PPHLN1: variants seen among roughly 807,000 people sequenced by gnomAD.
PPHLN1 encodes the protein periphilin 1.
A neutral mutation model predicts 51.3 loss-of-function variants in PPHLN1; 29 were observed. The ratio of observed to expected loss-of-function variants is 0.57; its 90% CI spans 0.42 to 0.77. The LOEUF is 0.77. PPHLN1 is among the 30% of genes least tolerant of loss of function. The pLI, the probability that PPHLN1 is intolerant of heterozygous loss-of-function variation, is 0.00. For synonymous variants in PPHLN1, 147 were observed against 147.8 expected (o/e 0.99, Z 0.04); for missense variants, 436 against 438.4 (o/e 0.99, Z 0.05).
At chr12:42,335,844 T>A (rs763452433) in intron 1 of PPHLN1, 39 bp from the exon 2 acceptor site, 2 of 1,227,202 alleles carry the variant, frequency 1.6e-6, no homozygotes, top group Non-Finnish European at 2.3e-6. Context: ...TTCTGTTACT[T>A]CCTAGTATAA....
At chr12:42,409,825 T>G (rs983322007) in intron 9 of PPHLN1, among the ~76,000 whole-genome samples, 2 of 152,136 alleles carry the variant, frequency 1.3e-5, no homozygotes, top group African/African-American at 2.4e-5. Context: ...TGTGTCTGTT[T>G]TCATTAGTTT....
Position 42,396,615 on chromosome 12 carries a change from C to CAAAAAAAAAAAAAAAAA in PPHLN1, c.769-2222_769-2206dup, listed in dbSNP as rs60131845. 1.1e-4 allele frequency among the ~76,000 whole-genome samples: 9 copies of CAAAAAAAAAAAAAAAAA among 85,490 alleles called. 1 individual carries two copies. Among genetic ancestry groups the CAAAAAAAAAAAAAAAAA allele is most frequent in the East Asian group, 8.6e-4 (2 of 2,326 alleles). 56.1% of individuals were successfully genotyped at this position (85,490 alleles called of 152,430 possible). On this transcript the variant is annotated intron_variant, in intron 8 of 9. Transcript: ENST00000358314. The stretch of plus-strand genomic sequence containing the variant: ...GCAATGTAGTAAGGTCTTGTCACTA[C>CAAAAAAAAAAAAAAAAA]AAAAAAAAAAAAAAAAAAAAAAAAA...
downstream of PPHLN1, chr12:42,442,846 A>C: frequency 6.5e-7 from 1 of 1,532,328 alleles, no homozygotes; most frequent in Non-Finnish European, 8.8e-7. Context: ...CAGTATATAA[A>C]AGTATTGAAA....
At chr12:42,428,978 T>A (rs2081779655) in intron 9 of PPHLN1, among the ~76,000 whole-genome samples, 2 of 152,148 alleles carry the variant, frequency 1.3e-5, no homozygotes. Context: ...CTTGCTTTTA[T>A]TAAATAATTT....
chr12:42,387,642 C>T, intron 7 of PPHLN1, 107 bp downstream of exon 7: 2 of 1,381,426 alleles, frequency 1.4e-6, no homozygotes, highest in Non-Finnish European at 1.9e-6. Context: ...AGCTAATTTG[C>T]TGCATTTAAA....
At chr12:42,336,103 C>G (rs1172733901) in intron 2 of PPHLN1, 129 bp downstream of exon 2, 12 of 488,540 alleles carry the variant, frequency 2.5e-5, no homozygotes, top group Non-Finnish European at 4.2e-5. Flanking sequence ...CAAAAGAGAT[C>G]AAGCTTATCT....
At chr12:42,422,857 C>A (rs2139715004) in intron 9 of PPHLN1, among the ~76,000 whole-genome samples, 1 of 152,276 alleles carries the variant, frequency 6.6e-6, no homozygotes, top group South Asian at 2.1e-4. Flanking sequence ...TGGATTCCTA[C>A]CTCAAATCCT....
At chr12:42,440,675 C>T (rs1267920819) in intron 9 of PPHLN1, among the ~76,000 whole-genome samples, 1 of 152,212 alleles carries the variant, frequency 6.6e-6, no homozygotes, top group East Asian at 1.9e-4. Flanking sequence ...CCTTGCGTTT[C>T]CCAGTTTCTA....
chr12:42,351,874 G>C lies in PPHLN1; in HGVS notation c.73-11G>C. 1 of 1,534,404 alleles carries C rather than the reference G, an allele frequency of 6.5e-7. No homozygotes were observed. Among genetic ancestry groups the C allele is most frequent in the Non-Finnish European group, 8.7e-7 (1 of 1,152,012 alleles). ...TAGTCATTTGTATATATTTCTTTTT[G>C]TCTGTTTTAGGATGGCTACAATAGA... On this transcript the variant is annotated splice_polypyrimidine_tract_variant and intron_variant, in intron 2 of 9. Transcript: ENST00000358314.
chr12:42,419,007 CTG>C (rs2080735606), intron 9 of PPHLN1, among the ~76,000 whole-genome samples: 1 of 152,014 alleles, frequency 6.6e-6, no homozygotes, highest in Non-Finnish European at 1.5e-5. Context: ...AATAAGGAAA[CTG>C]TATCCCACAA....
chr12:42,359,625 A>G (rs1270141028), intron 4 of PPHLN1: 1 of 152,212 alleles, frequency 6.6e-6, no homozygotes, highest in African/African-American at 2.4e-5. Context: ...TTCCTACTTG[A>G]AAGACTTTGT....
chr12:42,366,786 T>C (rs577780223), intron 4 of PPHLN1, among the ~76,000 whole-genome samples: 1 of 152,274 alleles, frequency 6.6e-6, no homozygotes, highest in South Asian at 2.1e-4. Flanking sequence ...ATGAATAATA[T>C]GCAACACTTG....
intron 9 of PPHLN1, among the ~76,000 whole-genome samples, chr12:42,409,476 A>G (rs188360681): frequency 7.2e-5 from 11 of 152,282 alleles, no homozygotes; most frequent in Admixed American, 7.2e-4. Flanking sequence ...CTTGGGAAAC[A>G]GTCTTTAAAA....
At chr12:42,440,246 A>G (rs1300154821) in intron 9 of PPHLN1, among the ~76,000 whole-genome samples, 2 of 151,844 alleles carry the variant, frequency 1.3e-5, no homozygotes, top group African/African-American at 4.8e-5. Flanking sequence ...GCTAATATAA[A>G]TGGTGTTGTG....
intron 8 of PPHLN1, among the ~76,000 whole-genome samples, chr12:42,394,481 A>G (rs1437765033): frequency 6.6e-6 from 1 of 152,176 alleles, no homozygotes; most frequent in Non-Finnish European, 1.5e-5. Context: ...GGGATCAAGC[A>G]TTGATATTGT....
downstream of PPHLN1, chr12:42,445,080 G>C: frequency 1.4e-6 from 1 of 702,278 alleles, no homozygotes. Context: ...GTCTACTCTC[G>C]AGCCGGCCCT....
chr12:42,442,544 A>T, downstream of PPHLN1: 2 of 1,523,704 alleles, frequency 1.3e-6, no homozygotes, highest in Non-Finnish European at 1.8e-6. Flanking sequence ...TCAGGACTGC[A>T]CTCTCTTTTG....
intron 9 of PPHLN1, chr12:42,432,246 A>G: frequency 1.3e-6 from 1 of 775,894 alleles, no homozygotes. Flanking sequence ...CCATAACTGG[A>G]GGTGTAATTA....
At chr12:42,334,853 C>T (rs2070347322) in intron 1 of PPHLN1, among the ~76,000 whole-genome samples, 1 of 152,196 alleles carries the variant, frequency 6.6e-6, no homozygotes, top group South Asian at 2.1e-4. Context: ...AAGCTACTGC[C>T]TGCAAGCGCT....
Sources: gnomAD v4.1 joint callset for allele counts (sites outside exome capture counted in the v4.1 genomes callset) on GRCh38, gnomAD v4.1.1 for gene constraint, MANE v1.5 for transcripts, NCBI Gene and HGNC (gene_info 2026-07-23, HGNC 2026-07-21) for gene names.